PDE12: variants seen among roughly 807,000 people sequenced by gnomAD.
PDE12 encodes phosphodiesterase 12, also known as 2',5'-phosphodiesterase 12.
Under a neutral mutation model 45.4 loss-of-function variants are expected in PDE12, and 26 were observed. That is an observed-to-expected ratio of 0.57 (90% CI 0.42 to 0.79). The LOEUF (loss-of-function observed/expected upper bound fraction) is 0.79, where lower values mean the gene tolerates loss of function less well. PDE12 is among the 30% of genes least tolerant of loss of function. The pLI is 0.00. For synonymous variants in PDE12, 283 were observed against 323.9 expected (o/e 0.87, Z 1.36); for missense variants, 668 against 790.0 (o/e 0.85, Z 1.85).
the PDE12 span, among the ~76,000 whole-genome samples, chr3:57,614,333 T>A: frequency 6.6e-6 from 1 of 152,104 alleles, no homozygotes; most frequent in Non-Finnish European, 1.5e-5. Context: ...ACACTGAAAT[T>A]AAATTAGAAG....
chr3:57,628,683 T>C, the PDE12 span: 7 of 934,990 alleles, frequency 7.5e-6, no homozygotes, highest in Non-Finnish European at 1.1e-5. Flanking sequence ...CTACCATCAA[T>C]TGACCAATTT....
chr3:57,571,484 C>T (rs539080074), downstream of PDE12: 1 of 152,656 alleles, frequency 6.6e-6, no homozygotes, highest in Non-Finnish European at 1.5e-5. Context: ...ATAAACAAAA[C>T]ATCAGCAGAA....
At chr3:57,634,463 A>G in the PDE12 span, 7 of 583,024 alleles carry the variant, frequency 1.2e-5, no homozygotes, top group South Asian at 6.2e-5. Context: ...GAGAGATCCT[A>G]TTTCACATTA....
the PDE12 span, among the ~76,000 whole-genome samples, chr3:57,574,999 G>A: frequency 1.1e-4 from 17 of 152,112 alleles, no homozygotes; most frequent in Non-Finnish European, 2.2e-4. Context: ...ACAGGCATGC[G>A]CAACCACACC....
the PDE12 span, among the ~76,000 whole-genome samples, chr3:57,632,614 C>T: frequency 2.0e-4 from 31 of 152,128 alleles, no homozygotes; most frequent in Non-Finnish European, 4.1e-4. Context: ...CCAGGATGCC[C>T]TATATAATGT....
chr3:57,614,380 T>C, the PDE12 span, among the ~76,000 whole-genome samples: 1 of 152,138 alleles, frequency 6.6e-6, no homozygotes, highest in Non-Finnish European at 1.5e-5. Flanking sequence ...TCTGCTGCTT[T>C]AGTTTGTGTT....
chr3:57,593,562 T>C, the PDE12 span, among the ~76,000 whole-genome samples: 210 of 152,302 alleles, frequency 1.4e-3, 1 homozygote, highest in African/African-American at 4.8e-3. Context: ...AGCAAACTTT[T>C]TAAAAGTAAC....
the PDE12 span, among the ~76,000 whole-genome samples, chr3:57,646,057 C>T: frequency 6.6e-6 from 1 of 152,194 alleles, no homozygotes; most frequent in Non-Finnish European, 1.5e-5. Flanking sequence ...CAAGGAACAA[C>T]TTCATGTAAT....
chr3:57,621,453 T>C, the PDE12 span, among the ~76,000 whole-genome samples: 1 of 152,120 alleles, frequency 6.6e-6, no homozygotes, highest in Admixed American at 6.6e-5. Context: ...ATGGATCACT[T>C]GAGGTCAGGA....
chr3:57,575,578 T>C, the PDE12 span: 61 of 1,613,436 alleles, frequency 3.8e-5, no homozygotes, highest in East Asian at 1.3e-3. Context: ...GAAGCCCTAG[T>C]TTATCTGTCA....
At chr3:57,602,876 T>G in the PDE12 span, among the ~76,000 whole-genome samples, 1 of 152,058 alleles carries the variant, frequency 6.6e-6, no homozygotes, top group Non-Finnish European at 1.5e-5. Context: ...CGGCCTACCA[T>G]TTAGCATTTA....
chr3:57,630,972 A>T, the PDE12 span: 2 of 1,613,048 alleles, frequency 1.2e-6, no homozygotes, highest in Admixed American at 3.3e-5. Flanking sequence ...CTTGCCACAT[A>T]TCTTTCCTAA....
At chr3:57,619,005 C>G in the PDE12 span, among the ~76,000 whole-genome samples, 17 of 152,156 alleles carry the variant, frequency 1.1e-4, no homozygotes, top group East Asian at 3.3e-3. Context: ...ATACATTTAA[C>G]AAATTAAATA....
At chr3:57,627,542 G>A in the PDE12 span, 2 of 151,898 alleles carry the variant, frequency 1.3e-5, no homozygotes, top group African/African-American at 4.8e-5. Context: ...ATTAAATTTT[G>A]AAAATGGAAG....
chr3:57,616,168 C>CA, the PDE12 span, among the ~76,000 whole-genome samples: 1 of 151,752 alleles, frequency 6.6e-6, no homozygotes, highest in South Asian at 2.1e-4. Context: ...ACAAAAAATG[C>CA]AAAAAATTAG....
the PDE12 span, among the ~76,000 whole-genome samples, chr3:57,602,866 C>T: frequency 2.0e-5 from 3 of 152,128 alleles, no homozygotes; most frequent in Admixed American, 6.5e-5. Context: ...CCACCACGTC[C>T]GGCCTACCAT....
At chr3:57,646,878 TG>T in the PDE12 span, among the ~76,000 whole-genome samples, 1 of 152,188 alleles carries the variant, frequency 6.6e-6, no homozygotes, top group East Asian at 1.9e-4. Flanking sequence ...CATTAAAGAA[TG>T]ATGACAAATC....
the PDE12 span, among the ~76,000 whole-genome samples, chr3:57,577,864 G>C: frequency 6.6e-6 from 1 of 151,910 alleles, no homozygotes; most frequent in African/African-American, 2.4e-5. Context: ...GACCAGCCTG[G>C]GCAACATGGC....
At chr3:57,588,435 T>C in the PDE12 span, among the ~76,000 whole-genome samples, 8 of 152,198 alleles carry the variant, frequency 5.3e-5, no homozygotes, top group East Asian at 5.8e-4. Flanking sequence ...AAGCTGTGCA[T>C]GGTGGCTCAC....
Sources: allele counts gnomAD v4.1 joint callset (sites outside exome capture counted in the v4.1 genomes callset), GRCh38; gene constraint gnomAD v4.1.1; transcripts MANE v1.5; gene names NCBI Gene and HGNC (gene_info 2026-07-23, HGNC 2026-07-21).